The following SETX variants were observed in gnomAD, a reference collection of about 807,000 sequenced individuals.
SETX encodes the protein helicase senataxin.
A neutral mutation model predicts 227.2 loss-of-function variants in SETX; 90 were observed. That is an observed-to-expected ratio of 0.40 (90% CI 0.33 to 0.47). The LOEUF (loss-of-function observed/expected upper bound fraction) is 0.47, where lower values mean the gene tolerates loss of function less well. SETX is among the 20% of genes least tolerant of loss of function. The pLI, the probability that SETX is intolerant of heterozygous loss-of-function variation, is 0.91. For missense variants in SETX, 3,052 were observed against 3,181.5 expected (o/e 0.96, Z 0.98); for synonymous variants, 1,210 against 1,113.2 (o/e 1.09, Z -1.73).
At chr9:132,297,103 A>C in intron 13 of SETX, 49 bp from the exon 14 acceptor site, 1 of 1,490,048 alleles carries the variant, frequency 6.7e-7, no homozygotes, top group Non-Finnish European at 9.2e-7. Flanking sequence ...TCTGTAGTGG[A>C]ATTTGAAAGG....
chr9:132,348,923 T>C (rs1848459191), intron 3 of SETX, among the ~76,000 whole-genome samples: 2 of 152,076 alleles, frequency 1.3e-5, no homozygotes, highest in Non-Finnish European at 2.9e-5. Context: ...AGCAAAGACC[T>C]TGTCTCCAAA....
Position 132,328,779 on chromosome 9 carries a change from CTT to C in SETX, c.2817_2818del (p.Glu941ThrfsTer4). On this transcript the variant is annotated frameshift_variant, in exon 10 of 26. Transcript: ENST00000224140. LOFTEE classifies it high-confidence loss of function. ...AGGACTGATGTCAGGGGCCTGTTCT[CTT>C]GTCAAGTTAGAATAAATCACACTGG... 6.2e-7 allele frequency: 1 copy of C among 1,610,896 alleles called. No homozygotes were observed. Among genetic ancestry groups the C allele is most frequent in the Non-Finnish European group, 8.5e-7 (1 of 1,178,708 alleles).
At chr9:132,291,556 G>C (rs59144722) in intron 15 of SETX, among the ~76,000 whole-genome samples, 1 of 151,978 alleles carries the variant, frequency 6.6e-6, no homozygotes, top group Non-Finnish European at 1.5e-5. Flanking sequence ...GAAATGTTCC[G>C]CAAATTATAA....
At chr9:132,352,772 A>G (rs1004387114) in intron 2 of SETX, among the ~76,000 whole-genome samples, 6 of 152,226 alleles carry the variant, frequency 3.9e-5, no homozygotes, top group Admixed American at 2.6e-4. Flanking sequence ...CAGGCACCTC[A>G]AAGTAAACAT....
intron 10 of SETX, among the ~76,000 whole-genome samples, chr9:132,324,024 A>G (rs1846545938): frequency 6.6e-6 from 1 of 152,192 alleles, no homozygotes; most frequent in South Asian, 2.1e-4. Flanking sequence ...GCCAGATAGA[A>G]ATCTTTGACT....
chr9:132,311,809 C>A lies in SETX; in HGVS notation c.5322G>T (p.Gln1774His), dbSNP rs771691157. ...LNSPNRENFY[Q>H]LQVRKFPADY... ...CGGCAGGAAATTTTCGTACTTGCAA[C>A]TGATAGAAATTCTCTCTATTTGGAG... Residue 1774 changes from glutamine to histidine, a missense_variant, in exon 11 of 26, where the codon CAG becomes CAT. Coordinates refer to ENST00000224140, the MANE Select transcript of SETX (RefSeq NM_015046.7). 7.4e-6 allele frequency: 12 copies of A among 1,613,790 alleles called. No individual in the cohort carries two copies. The highest frequency in any genetic ancestry group is 1.0e-5 in the Non-Finnish European group (12 of 1,179,930).
At chr9:132,336,539 C>T in intron 5 of SETX, 24 bp from the exon 6 acceptor site, 1 of 1,509,890 alleles carries the variant, frequency 6.6e-7, no homozygotes, top group South Asian at 1.1e-5. Flanking sequence ...ATATTTATTA[C>T]TTAATTCAAT....
intron 15 of SETX, among the ~76,000 whole-genome samples, chr9:132,289,837 T>C (rs2131253878): frequency 6.6e-6 from 1 of 152,344 alleles, no homozygotes; most frequent in Non-Finnish European, 1.5e-5. Context: ...GGTTAACACA[T>C]TGCTTTCTTC....
intron 23 of SETX, among the ~76,000 whole-genome samples, chr9:132,274,420 T>C (rs1222915658): frequency 1.3e-5 from 2 of 151,916 alleles, no homozygotes; most frequent in Non-Finnish European, 2.9e-5. Flanking sequence ...TCATTATTTG[T>C]TATAAAGGTC....
chr9:132,336,136 G>A (rs550456022), intron 6 of SETX, among the ~76,000 whole-genome samples, 160 bp downstream of exon 6: 12 of 152,288 alleles, frequency 7.9e-5, no homozygotes, highest in African/African-American at 2.4e-4. Context: ...ACAGCTACTC[G>A]GGAGGCTAAG....
At chr9:132,342,662 C>T (rs1435826548) in intron 5 of SETX, 28 bp downstream of exon 5, 1 of 1,427,092 alleles carries the variant, frequency 7.0e-7, no homozygotes, top group African/African-American at 1.4e-5. Context: ...CACAATATAC[C>T]CTTCTATCGC....
intron 10 of SETX, among the ~76,000 whole-genome samples, chr9:132,321,382 C>T (rs1846317562): frequency 6.6e-6 from 1 of 152,074 alleles, no homozygotes; most frequent in African/African-American, 2.4e-5. Flanking sequence ...TAGGGCTGGG[C>T]GCGGTAGCTC....
At chr9:132,355,636 CA>C (rs1373219343), upstream of SETX, among the ~76,000 whole-genome samples, 1 of 151,972 alleles carries the variant, frequency 6.6e-6, no homozygotes, top group Non-Finnish European at 1.5e-5. Context: ...GCCCGGAGTT[CA>C]GAGACCAGCC....
At chr9:132,269,121 G>A (rs578234308) in intron 25 of SETX, among the ~76,000 whole-genome samples, 35 of 152,358 alleles carry the variant, frequency 2.3e-4, no homozygotes, top group African/African-American at 8.2e-4. Context: ...TTGGAAACTC[G>A]TACACCTCTT....
chr9:132,286,720 A>T (rs538161773), intron 17 of SETX, among the ~76,000 whole-genome samples: 2 of 152,210 alleles, frequency 1.3e-5, no homozygotes, highest in Non-Finnish European at 2.9e-5. Context: ...TTAGCATTCC[A>T]GCACTGGGAG....
In SETX at chr9:132,326,623, G is replaced by A. The variant is rs1846789344; in HGVS notation, c.4975C>T (p.Leu1659Phe). The A allele has an allele frequency of 6.2e-7, 1 of 1,614,102 alleles. No homozygotes were observed. The change falls in exon 10 of 26, where the codon CTT becomes TTT. Residue 1659 changes from leucine to phenylalanine, a missense_variant. Physicochemically the swap from Leu to Phe is conservative, Grantham distance 22. Coordinates refer to ENST00000224140, the MANE Select transcript of SETX (RefSeq NM_015046.7). ...GAATTATTCGGAGACTGAGGATGAA[G>A]AACATTGCACGAATTCTTCATTTCA... ...VGEMKNSCNV[L>F]HPQSPNNSNR...
intron 2 of SETX, 107 bp from the exon 3 acceptor site, chr9:132,349,542 G>T: frequency 1.7e-6 from 2 of 1,174,116 alleles, no homozygotes; most frequent in Non-Finnish European, 2.5e-6. Flanking sequence ...TTTAAAATGT[G>T]TCACTAAAAC....
At chr9:132,307,440 C>A (rs540414673) in intron 11 of SETX, among the ~76,000 whole-genome samples, 9 of 151,824 alleles carry the variant, frequency 5.9e-5, no homozygotes, top group Non-Finnish European at 1.3e-4. Context: ...ATAGCATGCC[C>A]AGATTGGTGT....
Position 132,330,188 on chromosome 9 carries a change from T to C in SETX, c.1410A>G (p.Arg470=), listed in dbSNP as rs1241818613. 3.2e-6 allele frequency: 5 copies of C among 1,585,426 alleles called. No individual in the cohort carries two copies. In the South Asian group the frequency reaches 3.4e-5, roughly 11 times the overall value. ...LILVSVIELH[R]NKKCLHLLWV... is the part of the protein sequence containing the mutation. ...ACAGCAAATGCAAACATTTTTTATTTCTATGCAGTTCAATCACTGATACCA... is the reference window on the plus strand; with the variant it reads ...ACAGCAAATGCAAACATTTTTTATTCCTATGCAGTTCAATCACTGATACCA... Residue 470 remains arginine (R), a synonymous_variant, in exon 10 of 26, where the codon AGA becomes AGG. Transcript: ENST00000224140.
Sources: allele counts gnomAD v4.1 joint callset (sites outside exome capture counted in the v4.1 genomes callset), GRCh38; gene constraint gnomAD v4.1.1; transcripts MANE v1.5; gene names NCBI Gene and HGNC (gene_info 2026-07-23, HGNC 2026-07-21).